The following KLF8 variants were observed in gnomAD, a reference collection of about 807,000 sequenced individuals.
KLF8 encodes KLF transcription factor 8, also known as Krueppel-like factor 8.
Under a neutral mutation model 18.2 loss-of-function variants are expected in KLF8, and 10 were observed. The observed-to-expected ratio is 0.55, with a 90% CI of 0.34 to 0.93. The LOEUF (loss-of-function observed/expected upper bound fraction) is 0.93. Among genes scored for constraint, KLF8 ranks in the 40% least tolerant of loss-of-function variants. The pLI is 0.02. For missense variants in KLF8, 264 were observed against 277.9 expected, an observed-to-expected ratio of 0.95 and a Z score of 0.36; for synonymous variants, 109 against 97.3, an observed-to-expected ratio of 1.12 and a Z score of -0.71.
the KLF8 span, among the ~76,000 whole-genome samples, chrX:56,181,773 G>A: frequency 9.5e-6 from 1 of 105,335 alleles, no homozygotes; most frequent in African/African-American, 3.9e-5. Flanking sequence ...TTTTCTTTAA[G>A]AATGTTGAAT....
chrX:56,139,342 C>A, the KLF8 span, among the ~76,000 whole-genome samples: 2 of 111,341 alleles, frequency 1.8e-5, no homozygotes, highest in Non-Finnish European at 3.8e-5. Flanking sequence ...CTCGAACGGC[C>A]AAAACAATGC....
chrX:55,985,737 C>G, the KLF8 span, among the ~76,000 whole-genome samples: 3 of 110,250 alleles, frequency 2.7e-5, no homozygotes, highest in African/African-American at 9.9e-5. Context: ...GACATTTTCA[C>G]AATATCAGTT....
the KLF8 span, among the ~76,000 whole-genome samples, chrX:56,165,227 T>C: frequency 9.0e-6 from 1 of 111,604 alleles, no homozygotes; most frequent in South Asian, 3.7e-4. Context: ...AATTGCAGTT[T>C]AGTAGGAATA....
chrX:56,039,292 T>C, the KLF8 span, among the ~76,000 whole-genome samples: 1 of 112,108 alleles, frequency 8.9e-6, no homozygotes, highest in Admixed American at 9.5e-5. Flanking sequence ...CCCATGCCTA[T>C]GTCCTAAATG....
chrX:56,231,752 CT>C (rs1211821337), upstream of KLF8, among the ~76,000 whole-genome samples: 1 of 111,350 alleles, frequency 9.0e-6, no homozygotes, highest in Non-Finnish European at 1.9e-5. Flanking sequence ...CAATGCCTGG[CT>C]GAGAGGCGGT....
chrX:56,009,848 G>A, the KLF8 span, among the ~76,000 whole-genome samples: 1 of 111,874 alleles, frequency 8.9e-6, no homozygotes, highest in Non-Finnish European at 1.9e-5. Flanking sequence ...TCCAACCAGA[G>A]GAAAGAATTT....
At chrX:55,913,331 T>C in the KLF8 span, among the ~76,000 whole-genome samples, 1 of 111,862 alleles carries the variant, frequency 8.9e-6, no homozygotes, top group African/African-American at 3.2e-5. Context: ...GTTGGAGTCT[T>C]AATTCCTAGT....
the KLF8 span, among the ~76,000 whole-genome samples, chrX:56,115,062 A>C: frequency 9.0e-6 from 1 of 111,480 alleles, no homozygotes; most frequent in African/African-American, 3.3e-5. Context: ...ATATGGGAGG[A>C]ATTTTCTATT....
At chrX:56,067,862 G>C in the KLF8 span, among the ~76,000 whole-genome samples, 4 of 112,385 alleles carry the variant, frequency 3.6e-5, no homozygotes, top group Non-Finnish European at 7.5e-5. Flanking sequence ...TTGCACCATA[G>C]CTCCAATAGA....
At chrX:56,061,779 T>C in the KLF8 span, among the ~76,000 whole-genome samples, 1 of 110,651 alleles carries the variant, frequency 9.0e-6, no homozygotes, top group Admixed American at 9.6e-5. Context: ...TCACCTACTA[T>C]TATTGTGTGG....
chrX:56,216,770 C>T, the KLF8 span, among the ~76,000 whole-genome samples: 1 of 110,469 alleles, frequency 9.1e-6, no homozygotes, highest in Non-Finnish European at 1.9e-5. Context: ...CTCTTGCTCA[C>T]TTTCCTCCAA....
the KLF8 span, among the ~76,000 whole-genome samples, chrX:56,203,308 A>G: frequency 8.9e-6 from 1 of 112,114 alleles, no homozygotes; most frequent in East Asian, 2.8e-4. Context: ...TGAGCTCCAT[A>G]TACATTCTGG....
intron 5 of KLF8, among the ~76,000 whole-genome samples, chrX:56,281,237 A>T (rs189815542): frequency 1.8e-5 from 2 of 111,042 alleles, no homozygotes; most frequent in African/African-American, 3.3e-5. Context: ...TCTTGTAAGG[A>T]TGTTCCATGC....
the KLF8 span, among the ~76,000 whole-genome samples, chrX:56,110,511 A>T: frequency 8.9e-6 from 1 of 111,766 alleles, no homozygotes. Flanking sequence ...TGTTTTCTGT[A>T]AGTCATAATT....
the KLF8 span, among the ~76,000 whole-genome samples, chrX:56,190,687 A>C: frequency 4.5e-5 from 5 of 111,618 alleles, no homozygotes; most frequent in Non-Finnish European, 9.4e-5. Context: ...GAAACTATAC[A>C]AACGCATGAA....
At chrX:56,245,942 C>T (rs985201263) in intron 1 of KLF8, among the ~76,000 whole-genome samples, 2 of 111,543 alleles carry the variant, frequency 1.8e-5, no homozygotes, top group Non-Finnish European at 3.8e-5. Flanking sequence ...TCAATTTTGC[C>T]TGGGTAAATA....
the KLF8 span, among the ~76,000 whole-genome samples, chrX:56,156,964 G>C: frequency 3.7e-5 from 4 of 109,308 alleles, no homozygotes; most frequent in Non-Finnish European, 5.7e-5. Flanking sequence ...ATTCACAATA[G>C]CAAAGACCTG....
intron 3 of KLF8, chrX:56,269,115 C>T: frequency 3.2e-6 from 3 of 935,103 alleles, no homozygotes; most frequent in Non-Finnish European, 4.0e-6. Flanking sequence ...GAGACACTCT[C>T]ATTTGATACC....
the KLF8 span, among the ~76,000 whole-genome samples, chrX:56,212,133 G>A: frequency 1.6e-3 from 178 of 111,369 alleles, 1 homozygote; most frequent in African/African-American, 5.6e-3. Flanking sequence ...CTGGAATGGG[G>A]GTGTCACAAC....
Sources: allele counts gnomAD v4.1 joint callset (sites outside exome capture counted in the v4.1 genomes callset), GRCh38; gene constraint gnomAD v4.1.1; transcripts MANE v1.5; gene names NCBI Gene and HGNC (gene_info 2026-07-23, HGNC 2026-07-21).